GSTCD: variants seen among roughly 807,000 people sequenced by gnomAD.
The protein encoded by GSTCD is glutathione S-transferase C-terminal domain-containing protein.
In GSTCD, 44 loss-of-function variants were observed where a neutral mutation model predicts 68.3. The observed-to-expected ratio is 0.64, with a 90% CI of 0.51 to 0.83. The LOEUF (loss-of-function observed/expected upper bound fraction) is 0.83. GSTCD is among the 40% of genes least tolerant of loss of function. GSTCD has a pLI of 0.00. For missense variants in GSTCD, 739 were observed against 735.9 expected, an observed-to-expected ratio of 1.00 and a Z score of -0.05; for synonymous variants, 273 against 255.2, an observed-to-expected ratio of 1.07 and a Z score of -0.67.
chr4:105,814,400 G>A (rs916150584), intron 5 of GSTCD, among the ~76,000 whole-genome samples: 14 of 152,106 alleles, frequency 9.2e-5, no homozygotes, highest in African/African-American at 3.4e-4. Context: ...ATCACCTGAG[G>A]TCAGGAGTTC....
At chr4:105,721,003 C>G (rs956842641) in intron 3 of GSTCD, among the ~76,000 whole-genome samples, 2 of 149,576 alleles carry the variant, frequency 1.3e-5, no homozygotes, top group South Asian at 4.2e-4. Flanking sequence ...GATGGAGTCT[C>G]GCTCTGTCAC....
Position 105,837,841 on chromosome 4 carries a change from C to CT in GSTCD, c.1665-10dup, listed in dbSNP as rs771134929. 1.5e-4 allele frequency: 151 copies of CT among 1,013,586 alleles called. No homozygotes were observed. Among genetic ancestry groups the CT allele is most frequent in the South Asian group, 1.8e-4 (12 of 66,494 alleles). 62.8% of individuals were successfully genotyped at this position (1,013,586 alleles called of 1,614,324 possible). On this transcript the variant is annotated splice_polypyrimidine_tract_variant and intron_variant, in intron 9 of 11. Coordinates refer to ENST00000515279, the MANE Select transcript of GSTCD (RefSeq NM_001370181.1). ...TAATATTTAGAATGATGACTAATTC[C>CT]TTTTTTTTCTATTTCAGTGAACAAT... is the stretch of plus-strand genomic sequence containing the variant.
At chr4:105,738,076 C>T (rs1007923843) in intron 5 of GSTCD, among the ~76,000 whole-genome samples, 3 of 152,194 alleles carry the variant, frequency 2.0e-5, no homozygotes, top group African/African-American at 7.2e-5. Context: ...AGACCCTTAC[C>T]AGAAGCAGAT....
At chr4:105,730,258 A>G (rs1281733220) in intron 5 of GSTCD, among the ~76,000 whole-genome samples, 3 of 152,220 alleles carry the variant, frequency 2.0e-5, no homozygotes, top group Non-Finnish European at 4.4e-5. Context: ...GTATATACCC[A>G]GTAATGGGAT....
intron 5 of GSTCD, among the ~76,000 whole-genome samples, chr4:105,798,464 C>G (rs900779337): frequency 1.3e-5 from 2 of 151,918 alleles, no homozygotes; most frequent in African/African-American, 4.8e-5. Flanking sequence ...AGAGATGTTA[C>G]TACCAATAGC....
Position 105,767,105 on chromosome 4 carries a change from G to A in GSTCD, c.1240+37606G>A, listed in dbSNP as rs1434114812. On this transcript the variant is annotated intron_variant, in intron 5 of 11. Transcript: ENST00000515279. ...CACATGGTCAGTTAAGCTTATGGAT[G>A]GACAGAAAAAAGAAGGTGATGTGCA... 4.0e-5 allele frequency among the ~76,000 whole-genome samples: 6 copies of A among 151,866 alleles called. 1 individual carries two copies. Among genetic ancestry groups the A allele is most frequent in the Admixed American group, 3.9e-4 (6 of 15,242 alleles).
In GSTCD at chr4:105,717,986, G is replaced by C. The variant is rs376008811; in HGVS notation, c.373G>C (p.Glu125Gln). The C allele has an allele frequency of 1.9e-4, 314 of 1,612,526 alleles. No homozygotes were observed. The highest frequency in any genetic ancestry group is 2.8e-4 in the South Asian group (25 of 90,790). ...CTATGAAGCAGACCCCTTAAAGAAG[G>C]AACTTTTGGAACTTCTGGGCTTTAA... ...KSYEADPLKKELLELLGFKKT... is the reference protein window; with the variant it reads ...KSYEADPLKKQLLELLGFKKT... The change falls in exon 2 of 12, where the codon GAA (glutamate) becomes CAA (glutamine). Residue 125 changes from glutamate to glutamine, a missense_variant. Physicochemically the swap from Glu to Gln is conservative, Grantham distance 29. Transcript: ENST00000515279.
chr4:105,789,606 C>T lies in GSTCD; in HGVS notation c.1241-33348C>T, dbSNP rs1735589000. Among the ~76,000 whole-genome samples the T allele has an allele frequency of 2.0e-5, 3 of 151,882 alleles. No individual in the cohort carries two copies. The South Asian group carries it at 6.2e-4, about 32-fold the overall frequency. ...GCAGTTGGCTTCCCTCAGAGTGTGC[C>T]ATGGAGAAAGCAAGCCAAAGAGGGA... is the stretch of plus-strand genomic sequence containing the variant. On this transcript the variant is annotated intron_variant, in intron 5 of 11. Transcript: ENST00000515279.
chr4:105,745,077 A>G (rs1186991850), intron 5 of GSTCD, among the ~76,000 whole-genome samples: 1 of 152,170 alleles, frequency 6.6e-6, no homozygotes, highest in Non-Finnish European at 1.5e-5. Context: ...CTTTTTCCAA[A>G]TTCAGTATCT....
intron 3 of GSTCD, among the ~76,000 whole-genome samples, chr4:105,725,292 G>A (rs1011534875): frequency 6.6e-6 from 1 of 152,092 alleles, no homozygotes; most frequent in Admixed American, 6.6e-5. Flanking sequence ...TATGAATAAA[G>A]ATGCTATTAA....
At chr4:105,782,341 T>A (rs918803793) in intron 5 of GSTCD, among the ~76,000 whole-genome samples, 13 of 151,794 alleles carry the variant, frequency 8.6e-5, no homozygotes, top group Non-Finnish European at 1.8e-4. Context: ...CTACAAAAAA[T>A]TTAAAAATTA....
chr4:105,777,651 T>C (rs1397074690), intron 5 of GSTCD, among the ~76,000 whole-genome samples: 2 of 152,218 alleles, frequency 1.3e-5, no homozygotes, highest in Non-Finnish European at 2.9e-5. Context: ...TTGAGTCAGA[T>C]AGACCAGACT....
At chr4:105,721,576 A>G (rs1333310182) in intron 3 of GSTCD, among the ~76,000 whole-genome samples, 1 of 152,198 alleles carries the variant, frequency 6.6e-6, no homozygotes, top group Non-Finnish European at 1.5e-5. Context: ...ACTAGGGAAA[A>G]TACCCAGTTC....
At chr4:105,783,726 A>G (rs1001613864) in intron 5 of GSTCD, among the ~76,000 whole-genome samples, 10 of 152,206 alleles carry the variant, frequency 6.6e-5, no homozygotes, top group African/African-American at 1.9e-4. Flanking sequence ...TACTATCTCC[A>G]TAGCCTATAT....
intron 5 of GSTCD, among the ~76,000 whole-genome samples, chr4:105,768,777 G>C (rs1734718721): frequency 6.6e-6 from 1 of 151,442 alleles, no homozygotes; most frequent in African/African-American, 2.4e-5. Flanking sequence ...CTGTCATAAG[G>C]TGTTATTTAT....
chr4:105,734,412 C>G (rs1475192061), intron 5 of GSTCD, among the ~76,000 whole-genome samples: 1 of 152,122 alleles, frequency 6.6e-6, no homozygotes, highest in Non-Finnish European at 1.5e-5. Context: ...CTCTAAACTT[C>G]TCTTCTTGCT....
rs557240467 is a variant in GSTCD, at chr4:105,731,523, C to T, written c.1240+2024C>T. Reference sequence around the variant, plus strand: ...GAATGGGAGTTCACTCATAATTTGGCTCTCTGTCTGTTATTGGTGTATAAG... The same window carrying T: ...GAATGGGAGTTCACTCATAATTTGGTTCTCTGTCTGTTATTGGTGTATAAG... On this transcript the variant is annotated intron_variant, in intron 5 of 11. Coordinates refer to ENST00000515279, the MANE Select transcript of GSTCD (RefSeq NM_001370181.1). 7.9e-5 allele frequency among the ~76,000 whole-genome samples: 12 copies of T among 151,522 alleles called. No individual in the cohort carries two copies. In the South Asian group the frequency reaches 2.5e-3, roughly 32 times the overall value.
chr4:105,822,283 T>C (rs1397881062), intron 5 of GSTCD, among the ~76,000 whole-genome samples: 3 of 151,984 alleles, frequency 2.0e-5, no homozygotes, highest in African/African-American at 7.2e-5. Context: ...GAATCTCTAA[T>C]TGCATTATAT....
At chr4:105,779,314 T>C (rs1247864841) in intron 5 of GSTCD, among the ~76,000 whole-genome samples, 1 of 152,186 alleles carries the variant, frequency 6.6e-6, no homozygotes, top group South Asian at 2.1e-4. Flanking sequence ...TTCTGATGAT[T>C]AGAATCAGGT....
Sources: gnomAD v4.1 joint callset for allele counts (sites outside exome capture counted in the v4.1 genomes callset) on GRCh38, gnomAD v4.1.1 for gene constraint, MANE v1.5 for transcripts, NCBI Gene and HGNC (gene_info 2026-07-23, HGNC 2026-07-21) for gene names.